The following CUX1 variants were observed in gnomAD, a reference collection of about 807,000 sequenced individuals.
The protein encoded by CUX1 is protein CASP.
In CUX1, 31 loss-of-function variants were observed where a neutral mutation model predicts 158.8. The ratio of observed to expected loss-of-function variants is 0.20; its 90% CI spans 0.15 to 0.26. The LOEUF (loss-of-function observed/expected upper bound fraction) is 0.26, where lower values mean the gene tolerates loss of function less well. Among genes scored for constraint, CUX1 ranks in the 10% least tolerant of loss-of-function variants. The pLI is 1.00. For synonymous variants in CUX1, 879 were observed against 862.1 expected, an observed-to-expected ratio of 1.02 and a Z score of -0.34; for missense variants, 1,589 against 2,014.6, an observed-to-expected ratio of 0.79 and a Z score of 4.04.
intron 1 of CUX1, among the ~76,000 whole-genome samples, chr7:101,852,605 A>G (rs1211889292): frequency 6.6e-6 from 1 of 151,930 alleles, no homozygotes; most frequent in Non-Finnish European, 1.5e-5. Flanking sequence ...GCGACAGAGC[A>G]AGAACCTGTT....
chr7:101,991,165 T>C (rs1815060934), intron 2 of CUX1, among the ~76,000 whole-genome samples: 1 of 152,134 alleles, frequency 6.6e-6, no homozygotes, highest in African/African-American at 2.4e-5. Flanking sequence ...CCAGTACTTC[T>C]AGTTTCACTT....
intron 1 of CUX1, among the ~76,000 whole-genome samples, chr7:101,884,156 A>G (rs749677457): frequency 3.3e-5 from 5 of 152,124 alleles, no homozygotes; most frequent in Non-Finnish European, 7.4e-5. Context: ...TGGCCTCCCA[A>G]AGTGCTGGGA....
chr7:102,279,832 G>A (rs984660209), intron 18 of CUX1, among the ~76,000 whole-genome samples: 2 of 152,132 alleles, frequency 1.3e-5, no homozygotes, highest in African/African-American at 4.8e-5. Context: ...TGACCCCATG[G>A]GTAACTCCAT....
intron 12 of CUX1, among the ~76,000 whole-genome samples, chr7:102,193,401 T>C (rs1794479457): frequency 6.6e-6 from 1 of 152,246 alleles, no homozygotes; most frequent in Non-Finnish European, 1.5e-5. Flanking sequence ...CTAGAGACAT[T>C]ATCAGATTCT....
At chr7:102,233,499 G>A (rs782419815) in intron 21 of CUX1, among the ~76,000 whole-genome samples, 8 of 152,110 alleles carry the variant, frequency 5.3e-5, no homozygotes, top group African/African-American at 9.7e-5. Context: ...TAAGAGAAAC[G>A]TCACTGGCCA....
chr7:101,882,684 A>G (rs575651911), intron 1 of CUX1, among the ~76,000 whole-genome samples: 1 of 152,318 alleles, frequency 6.6e-6, no homozygotes, highest in East Asian at 1.9e-4. Flanking sequence ...GGTACTCAGA[A>G]TATAGCAGCT....
chr7:101,816,575 C>CCG (rs1791826127), upstream of CUX1, among the ~76,000 whole-genome samples: 1 of 142,512 alleles, frequency 7.0e-6, no homozygotes, highest in South Asian at 2.1e-4. Flanking sequence ...GTGGCGCCCG[C>CCG]CCGCCCGCTC....
At position 102,205,174 on chromosome 7, in the gene CUX1, A is replaced by G. The variant is rs1554520770; in HGVS notation, c.3130+4A>G. 2 of 1,606,218 alleles carry G rather than the reference A, an allele frequency of 1.2e-6. No individual in the cohort carries two copies. The highest frequency in any genetic ancestry group is 8.5e-7 in the Non-Finnish European group (1 of 1,173,772). ...CAGCAGGGCTGTGTGAGCTCAGGTA[A>G]GCAGCCAGTTTCTGTTGCTTTTGCA... On this transcript the variant is annotated splice_donor_region_variant and intron_variant, in intron 20 of 23. Coordinates refer to ENST00000292535, the MANE Select transcript of CUX1 (RefSeq NM_181552.4).
intron 6 of CUX1, among the ~76,000 whole-genome samples, chr7:102,108,630 C>T (rs201490): frequency 0.62 from 94,641 of 152,040 alleles, 31,183 homozygotes; most frequent in African/African-American, 0.8. Flanking sequence ...AGTCACTGTG[C>T]CCAGCTCTTG....
At chr7:102,055,134 G>C (rs1823987723) in intron 3 of CUX1, among the ~76,000 whole-genome samples, 2 of 152,056 alleles carry the variant, frequency 1.3e-5, no homozygotes, top group African/African-American at 2.4e-5. Flanking sequence ...GTGGTTTTTA[G>C]AGCACAAGTT....
At chr7:101,991,308 T>C (rs1389038389) in intron 2 of CUX1, among the ~76,000 whole-genome samples, 1 of 152,196 alleles carries the variant, frequency 6.6e-6, no homozygotes, top group Non-Finnish European at 1.5e-5. Flanking sequence ...CCAGCTAAAA[T>C]GTGGGCAAGA....
chr7:101,968,328 G>T (rs1413632275), intron 2 of CUX1, among the ~76,000 whole-genome samples: 1 of 152,172 alleles, frequency 6.6e-6, no homozygotes, highest in African/African-American at 2.4e-5. Context: ...CTGGGGTCCA[G>T]GTGGGTCCCC....
intron 8 of CUX1, among the ~76,000 whole-genome samples, chr7:102,120,932 T>G (rs1475111222): frequency 2.6e-5 from 4 of 152,102 alleles, no homozygotes; most frequent in Non-Finnish European, 5.9e-5. Context: ...GGGCATGGTG[T>G]TGTGCCTTTA....
At chr7:101,993,870 T>G (rs1815466241) in intron 2 of CUX1, among the ~76,000 whole-genome samples, 1 of 152,126 alleles carries the variant, frequency 6.6e-6, no homozygotes, top group Non-Finnish European at 1.5e-5. Context: ...TGGACTCCCT[T>G]CTCCCCTTCA....
intron 1 of CUX1, among the ~76,000 whole-genome samples, chr7:101,820,820 C>A (rs1209209783): frequency 5.3e-5 from 8 of 152,172 alleles, no homozygotes; most frequent in African/African-American, 1.9e-4. Context: ...ATTCTGGTAT[C>A]TAATTGGAAA....
intron 23 of CUX1, among the ~76,000 whole-genome samples, chr7:102,241,115 C>T (rs905006321): frequency 6.6e-6 from 1 of 152,292 alleles, no homozygotes; most frequent in East Asian, 1.9e-4. Context: ...CCACCGCACC[C>T]AGCCAGTTCT....
At chr7:101,966,151 A>G (rs1811177617) in intron 2 of CUX1, among the ~76,000 whole-genome samples, 1 of 151,732 alleles carries the variant, frequency 6.6e-6, no homozygotes, top group African/African-American at 2.4e-5. Flanking sequence ...TGCAGCCTCA[A>G]CCTCCCCGGG....
At position 102,111,837 on chromosome 7, in the gene CUX1, G is replaced by C. The variant is rs926321807; in HGVS notation, c.607+63G>C. ...AGGACCCAGGGGGAGAGTTGGGTCA[G>C]CCCCTGACCGCCCCGGTCCCCGCGG... On this transcript the variant is annotated intron_variant, in intron 7 of 23. Coordinates refer to ENST00000292535, the MANE Select transcript of CUX1 (RefSeq NM_181552.4). 5 of 1,416,132 alleles carry C rather than the reference G, an allele frequency of 3.5e-6. No homozygotes were observed. In the African/African-American group the frequency reaches 4.2e-5, roughly 12 times the overall value. The allele number at this position is 1,416,132 out of a possible 1,614,324, so 87.7% of individuals were successfully genotyped here. A position where few individuals can be genotyped will look rare whatever the true frequency, so the allele number is the denominator to read the frequency against.
Position 102,234,146 on chromosome 7 carries a change from G to A in CUX1, c.3528G>A (p.Leu1176=), listed in dbSNP as rs1563459471. 4 of 1,603,406 alleles carry A rather than the reference G, an allele frequency of 2.5e-6. No homozygotes were observed. The highest frequency in any genetic ancestry group is 3.4e-6 in the Non-Finnish European group (4 of 1,175,628). Reference sequence around the variant, plus strand: ...CCAAACCCTGGCATAAGCTCAGTCTGAAAGGACGAGAGCCCTTCGTCCGGA... The same window carrying A: ...CCAAACCCTGGCATAAGCTCAGTCTAAAAGGACGAGAGCCCTTCGTCCGGA... ...ARPKPWHKLS[L]KGREPFVRMQ... is the part of the protein sequence containing the mutation. The change falls in exon 22 of 24, where the codon CTG becomes CTA. Residue 1176 remains leucine (L), a synonymous_variant. Coordinates refer to ENST00000292535, the MANE Select transcript of CUX1 (RefSeq NM_181552.4).
Sources: gnomAD v4.1 joint callset for allele counts (sites outside exome capture counted in the v4.1 genomes callset) on GRCh38, gnomAD v4.1.1 for gene constraint, MANE v1.5 for transcripts, NCBI Gene and HGNC (gene_info 2026-07-23, HGNC 2026-07-21) for gene names.